The following SPTBN2 variants were observed in gnomAD, a reference collection of about 807,000 sequenced individuals.
SPTBN2 encodes the protein spectrin beta, non-erythrocytic 2.
Under a neutral mutation model 284.2 loss-of-function variants are expected in SPTBN2, and 107 were observed. That is an observed-to-expected ratio of 0.38 (90% CI 0.32 to 0.44). The LOEUF is 0.44. Ranked by LOEUF, SPTBN2 falls within the 20% of genes least tolerant of loss-of-function variation. SPTBN2 has a pLI of 1.00. For synonymous variants in SPTBN2, 1,289 were observed against 1,354.8 expected (o/e 0.95, Z 1.07); for missense variants, 2,569 against 3,287.1 (o/e 0.78, Z 5.34).
Position 66,687,702 on chromosome 11 carries a change from G to A in SPTBN2, c.6502-55C>T. The A allele has an allele frequency of 2.5e-6, 4 of 1,575,242 alleles. No homozygotes were observed. Among genetic ancestry groups the A allele is most frequent in the Non-Finnish European group, 3.5e-6 (4 of 1,157,958 alleles). The stretch of plus-strand genomic sequence containing the variant: ...GTTGAGACGGGAGATCCCTAACCTG[G>A]GTGCCAGGAAGCTCCGTGTCCAGGA... On this transcript the variant is annotated intron_variant, in intron 34 of 37. Transcript: ENST00000533211. This position sits in a 1 kb window ranked among gnomAD's most constrained non-coding sequence, Gnocchi z 5.2.
At chr11:66,689,283 CT>C (rs879680949) in intron 29 of SPTBN2, 103 bp from the exon 30 acceptor site, 74 of 1,107,220 alleles carry the variant, frequency 6.7e-5, no homozygotes, top group Non-Finnish European at 7.5e-5. Context: ...TTCTTTCTTT[CT>C]TTTTTTTGAG....
chr11:66,714,655 T>A (rs573779156), intron 5 of SPTBN2, among the ~76,000 whole-genome samples: 38 of 151,974 alleles, frequency 2.5e-4, no homozygotes, highest in African/African-American at 9.2e-4. Context: ...TCCCTCCAGG[T>A]GGGGAACTGC....
At position 66,714,423 on chromosome 11, in the gene SPTBN2, G is replaced by C; in HGVS notation, c.484-16C>G. 3 of 1,607,572 alleles carry C rather than the reference G, an allele frequency of 1.9e-6. No homozygotes were observed. Among genetic ancestry groups the C allele is most frequent in the Non-Finnish European group, 2.6e-6 (3 of 1,174,342 alleles). ...TGTCTTGGATCTAGGAAGGAAGCAAGCAGGGCCCTCAGTCCCTGGACAGGA... is the reference window on the plus strand; with the variant it reads ...TGTCTTGGATCTAGGAAGGAAGCAACCAGGGCCCTCAGTCCCTGGACAGGA... On this transcript the variant is annotated splice_polypyrimidine_tract_variant and intron_variant, in intron 5 of 37. Coordinates refer to ENST00000533211, the MANE Select transcript of SPTBN2 (RefSeq NM_006946.4).
rs1942111241 is a variant in SPTBN2 at position 66,715,710 on chromosome 11, G to A, written c.309+120C>T. ...CACTTGAAATGAACCCATCCTCTGA[G>A]CAGAGGGAGCCACTGCTTCCCGCCC... On this transcript the variant is annotated intron_variant, in intron 4 of 37. Coordinates refer to ENST00000533211, the MANE Select transcript of SPTBN2 (RefSeq NM_006946.4). This position sits in a 1 kb window ranked among gnomAD's most constrained non-coding sequence, Gnocchi z 5.3. 4 of 1,377,636 alleles carry A rather than the reference G, an allele frequency of 2.9e-6. No homozygotes were observed. The highest frequency in any genetic ancestry group is 2.0e-5 in the Admixed American group (1 of 50,988). 85.3% of individuals were successfully genotyped at this position (1,377,636 alleles called of 1,614,324 possible).
rs143379919 is a variant in SPTBN2, at chr11:66,694,664, C to T, written c.4279-301G>A. ...CTTATAACAAACCTGCACCCACACC[C>T]GCGAATCTAAAAGATTGAAATTAAA... On this transcript the variant is annotated intron_variant, in intron 21 of 37. Coordinates refer to ENST00000533211, the MANE Select transcript of SPTBN2 (RefSeq NM_006946.4). Among the ~76,000 whole-genome samples the T allele has an allele frequency of 3.7e-3, 569 of 152,322 alleles. 4 individuals are homozygous for T. Among genetic ancestry groups the T allele is most frequent in the African/African-American group, 0.013 (538 of 41,564 alleles).
At position 66,707,606 on chromosome 11, in the gene SPTBN2, G is replaced by A. The variant is rs370685694; in HGVS notation, c.1563C>T (p.Ala521=). The A allele has an allele frequency of 1.9e-5, 31 of 1,611,368 alleles. No homozygotes were observed. Among genetic ancestry groups the A allele is most frequent in the Middle Eastern group, 1.6e-4 (1 of 6,072 alleles). Residue 521 remains alanine (A), a synonymous_variant, in exon 13 of 38, where the codon GCC becomes GCT. Transcript: ENST00000533211. This position sits in a 1 kb window ranked among gnomAD's most constrained non-coding sequence, Gnocchi z 4.9. ...RLWDFLRQMV[A]ARRERLLLNL... ...TGAGGAGGAGCCGCTCCCGCCGGGC[G>A]GCCACCATCTGCCGCAAGAAGTCCC... is the stretch of plus-strand genomic sequence containing the variant.
intron 16 of SPTBN2, 132 bp downstream of exon 16, chr11:66,701,452 C>T (rs1941242550): frequency 2.6e-6 from 4 of 1,550,798 alleles, no homozygotes; most frequent in East Asian, 4.5e-5. Flanking sequence ...TTTTCCTTCC[C>T]CAACATATTC....
intron 31 of SPTBN2, 76 bp downstream of exon 31, chr11:66,688,575 CAT>C: frequency 6.3e-7 from 1 of 1,576,674 alleles, no homozygotes; most frequent in Non-Finnish European, 8.6e-7. Context: ...AGAGAGAAGA[CAT>C]GTCTTCTCCA....
At chr11:66,713,955 G>A in intron 7 of SPTBN2, 136 bp downstream of exon 7, 1 of 998,050 alleles carries the variant, frequency 1.0e-6, no homozygotes, top group Admixed American at 1.9e-5. Flanking sequence ...GCACCCCCAT[G>A]TTCTGGTTCT....
In SPTBN2 at chr11:66,707,235, C is replaced by T. The variant is rs1941609459; in HGVS notation, c.1653+281G>A. Among the ~76,000 whole-genome samples, 3 of 152,254 alleles carry T rather than the reference C, an allele frequency of 2.0e-5. No individual in the cohort carries two copies. The highest frequency in any genetic ancestry group is 7.2e-5 in the African/African-American group (3 of 41,454). On this transcript the variant is annotated intron_variant, in intron 13 of 37. Transcript: ENST00000533211. The surrounding 1 kb of genome is among the most constrained non-coding windows in gnomAD (Gnocchi z 4.9). ...TATTTTCTCAGAGGCCTTGTCTGAC[C>T]AGCCCCTCACACCACCCTGTTCCAG...
At position 66,694,283 on chromosome 11, in the gene SPTBN2, G is replaced by C; in HGVS notation, c.4359C>G (p.Asp1453Glu). 6.2e-7 allele frequency: 1 copy of C among 1,614,200 alleles called. No individual in the cohort carries two copies. The highest frequency in any genetic ancestry group is 8.5e-7 in the Non-Finnish European group (1 of 1,180,028). The part of the protein sequence containing the change: ...QAQAKALAQE[D>E]QGAGEVERTS... ...TTCTCTCCACCTCCCCTGCACCCTG[G>C]TCCTCCTGGGCCAGTGCTTTGGCCT... is the stretch of plus-strand genomic sequence containing the variant. Residue 1453 changes from aspartate to glutamate, a missense_variant, in exon 22 of 38, where the codon GAC becomes GAG. Physicochemically the swap from Asp to Glu is conservative, Grantham distance 45. This residue lies in a region of SPTBN2 where 1,130 missense variants were observed against 1,317.3 expected (regional missense o/e 0.86). Transcript: ENST00000533211.
chr11:66,728,238 G>C (rs1375325644), intron 1 of SPTBN2: 4 of 145,492 alleles, frequency 2.7e-5, no homozygotes, highest in Non-Finnish European at 4.6e-5. Context: ...CCTGCAGCCC[G>C]GCCGCGACGG....
At chr11:66,696,002 G>A (rs970236372) in intron 21 of SPTBN2, among the ~76,000 whole-genome samples, 3 of 152,186 alleles carry the variant, frequency 2.0e-5, no homozygotes, top group Non-Finnish European at 4.4e-5. Context: ...CTCCCAAAGT[G>A]CTGAGATTAC....
In SPTBN2 at chr11:66,691,255, T is replaced by TC; in HGVS notation, c.5565+28dup. On this transcript the variant is annotated intron_variant, in intron 27 of 37. Coordinates refer to ENST00000533211, the MANE Select transcript of SPTBN2 (RefSeq NM_006946.4). This position sits in a 1 kb window ranked among gnomAD's most constrained non-coding sequence, Gnocchi z 8.0. Reference sequence around the variant, plus strand: ...TTTCCCCCATGGCCTCCTCTAAGCCTCCCCCACCTCCTCATGCTTGGGTCA... The same window carrying TC: ...TTTCCCCCATGGCCTCCTCTAAGCCTCCCCCCACCTCCTCATGCTTGGGTCA... The TC allele has an allele frequency of 6.6e-7, 1 of 1,511,908 alleles. No homozygotes were observed. Among genetic ancestry groups the TC allele is most frequent in the African/African-American group, 1.4e-5 (1 of 71,660 alleles). The allele number at this position is 1,511,908 out of a possible 1,614,324, so 93.7% of individuals were successfully genotyped here.
At chr11:66,741,513 G>A (rs1252380138) in intron 1 of SPTBN2, among the ~76,000 whole-genome samples, 1 of 152,168 alleles carries the variant, frequency 6.6e-6, no homozygotes, top group Non-Finnish European at 1.5e-5. Context: ...TATAAATTCT[G>A]AGGTGGGTGC....
Position 66,721,324 on chromosome 11 carries a change from CG to C in SPTBN2, c.-23+25del, listed in dbSNP as rs1180491995. The C allele has an allele frequency of 4.5e-6, 7 of 1,569,750 alleles. No homozygotes were observed. In the East Asian group the frequency reaches 1.6e-4, roughly 35 times the overall value. ...GACCACCAAGCCCTCCACTCACCAC[CG>C]GGGCCTTCTGTCTTCTTGCCCTACC... On this transcript the variant is annotated intron_variant, in intron 2 of 37. Coordinates refer to ENST00000533211, the MANE Select transcript of SPTBN2 (RefSeq NM_006946.4).
At chr11:66,698,235 T>A (rs1941040241) in intron 20 of SPTBN2, among the ~76,000 whole-genome samples, 1 of 152,246 alleles carries the variant, frequency 6.6e-6, no homozygotes, top group Non-Finnish European at 1.5e-5. Context: ...TCTCTGAGGC[T>A]GCTTTTGCAC....
chr11:66,737,171 A>G lies in SPTBN2; in HGVS notation c.-475+7371T>C, dbSNP rs146827512. Among the ~76,000 whole-genome samples, 43 of 152,342 alleles carry G rather than the reference A, an allele frequency of 2.8e-4. 1 individual carries two copies. In the East Asian group the frequency reaches 7.1e-3, roughly 25 times the overall value. ...TATGTAGGCAAACCTTGCCTTAGGT[A>G]AAGTATAATGTATGAAAATCTAGAT... On this transcript the variant is annotated intron_variant, in intron 1 of 37. Transcript: ENST00000611817.
upstream of SPTBN2, among the ~76,000 whole-genome samples, chr11:66,732,588 T>C (rs1383245693): frequency 7.0e-6 from 1 of 141,912 alleles, no homozygotes; most frequent in Non-Finnish European, 1.5e-5. Context: ...AGGCAGAGGT[T>C]GCAGTGAGCT....
Sources: allele counts gnomAD v4.1 joint callset (sites outside exome capture counted in the v4.1 genomes callset), GRCh38; gene constraint gnomAD v4.1.1; regional missense constraint gnomAD v4.1.1; non-coding constraint Gnocchi (gnomAD v3.1); transcripts MANE v1.5; gene names NCBI Gene and HGNC (gene_info 2026-07-23, HGNC 2026-07-21).